Variants in MARCHF1 observed in about 807,000 individuals in gnomAD.
MARCHF1 encodes the protein E3 ubiquitin-protein ligase MARCHF1.
MARCHF1 carries 40 observed loss-of-function variants against 54.2 expected under a neutral mutation model. The ratio of observed to expected loss-of-function variants is 0.74; its 90% CI spans 0.57 to 0.96. The LOEUF (loss-of-function observed/expected upper bound fraction) is 0.96. Ranked by LOEUF, MARCHF1 falls within the 40% of genes least tolerant of loss-of-function variation. The pLI is 0.00. For missense variants in MARCHF1, 586 were observed against 656.5 expected, an observed-to-expected ratio of 0.89 and a Z score of 1.17; for synonymous variants, 236 against 236.3, an observed-to-expected ratio of 1.00 and a Z score of 0.01.
chr4:163,771,355 G>C (rs1747155395), intron 4 of MARCHF1, among the ~76,000 whole-genome samples: 1 of 152,094 alleles, frequency 6.6e-6, no homozygotes, highest in African/African-American at 2.4e-5. Flanking sequence ...GATTCACCTG[G>C]GGAGCTGTTT....
At chr4:164,040,024 T>C (rs1291536742) in intron 2 of MARCHF1, among the ~76,000 whole-genome samples, 2 of 146,974 alleles carry the variant, frequency 1.4e-5, no homozygotes, top group Non-Finnish European at 3.0e-5. Flanking sequence ...TATACAAGTA[T>C]AATTTATATA....
At chr4:163,768,103 T>A (rs907339915) in intron 4 of MARCHF1, among the ~76,000 whole-genome samples, 5 of 152,352 alleles carry the variant, frequency 3.3e-5, no homozygotes, top group African/African-American at 9.6e-5. Flanking sequence ...AAGAAATTTT[T>A]AAAAATTGAA....
intron 2 of MARCHF1, among the ~76,000 whole-genome samples, chr4:164,022,033 G>T (rs1275570115): frequency 4.6e-5 from 7 of 151,948 alleles, no homozygotes; most frequent in African/African-American, 1.7e-4. Context: ...ATCAATTCCA[G>T]TTATTCCCTC....
intron 3 of MARCHF1, among the ~76,000 whole-genome samples, chr4:163,972,916 G>T (rs932670516): frequency 6.6e-6 from 1 of 152,048 alleles, no homozygotes; most frequent in Non-Finnish European, 1.5e-5. Flanking sequence ...CAATTTAGAA[G>T]AATAAGAATT....
At chr4:164,148,930 C>T (rs1729851732) in intron 1 of MARCHF1, among the ~76,000 whole-genome samples, 1 of 152,068 alleles carries the variant, frequency 6.6e-6, no homozygotes, top group African/African-American at 2.4e-5. Flanking sequence ...TGCTCTGTCC[C>T]CTCCAAATCT....
intron 3 of MARCHF1, among the ~76,000 whole-genome samples, chr4:163,963,895 T>C (rs1420751805): frequency 1.3e-5 from 2 of 151,952 alleles, no homozygotes; most frequent in African/African-American, 4.8e-5. Flanking sequence ...TGGAGTTCTC[T>C]AGCTCCAGCT....
chr4:164,293,255 T>C (rs1560990433), intron 1 of MARCHF1, among the ~76,000 whole-genome samples: 1 of 152,018 alleles, frequency 6.6e-6, no homozygotes, highest in Non-Finnish European at 1.5e-5. Flanking sequence ...CCTAAGTATA[T>C]ATTCTTGCAA....
At chr4:164,205,568 C>G (rs902093854) in intron 1 of MARCHF1, among the ~76,000 whole-genome samples, 6 of 151,970 alleles carry the variant, frequency 3.9e-5, no homozygotes, top group Non-Finnish European at 8.8e-5. Flanking sequence ...TTAAAATAAC[C>G]AAAATTGTTC....
chr4:163,989,399 T>TA (rs929765928), intron 2 of MARCHF1, among the ~76,000 whole-genome samples: 15 of 152,132 alleles, frequency 9.9e-5, no homozygotes, highest in African/African-American at 3.1e-4. Flanking sequence ...CCTTTCTTAC[T>TA]AAAACATCAG....
intron 3 of MARCHF1, among the ~76,000 whole-genome samples, chr4:163,883,984 C>T (rs1415928950): frequency 6.6e-6 from 1 of 152,160 alleles, no homozygotes; most frequent in African/African-American, 2.4e-5. Flanking sequence ...TACTGACCAT[C>T]TCCCCAGGAT....
At chr4:164,043,599 C>T (rs889355565) in intron 2 of MARCHF1, among the ~76,000 whole-genome samples, 14 of 152,136 alleles carry the variant, frequency 9.2e-5, no homozygotes, top group Non-Finnish European at 1.5e-4. Flanking sequence ...TCTCTGGAGA[C>T]ATTTTCCCCA....
chr4:163,658,534 G>A (rs868508198), intron 5 of MARCHF1, among the ~76,000 whole-genome samples: 1 of 151,940 alleles, frequency 6.6e-6, no homozygotes, highest in Non-Finnish European at 1.5e-5. Context: ...ATTTGACCCA[G>A]CCATCTCATT....
intron 1 of MARCHF1, among the ~76,000 whole-genome samples, chr4:164,266,701 A>G (rs1312401489): frequency 6.6e-6 from 1 of 152,198 alleles, no homozygotes; most frequent in Non-Finnish European, 1.5e-5. Flanking sequence ...AATCTTGCAT[A>G]TGAAAACAAG....
intron 3 of MARCHF1, among the ~76,000 whole-genome samples, chr4:163,895,905 C>CA (rs1750796255): frequency 6.6e-6 from 1 of 152,096 alleles, no homozygotes; most frequent in Non-Finnish European, 1.5e-5. Context: ...ATGACCCCCC[C>CA]ACTGCCCCAC....
At chr4:163,544,789 C>T (rs576746344) in intron 9 of MARCHF1, among the ~76,000 whole-genome samples, 1 of 152,054 alleles carries the variant, frequency 6.6e-6, no homozygotes, top group African/African-American at 2.4e-5. Context: ...ATTACAAACT[C>T]AAAATGTTAC....
intron 2 of MARCHF1, among the ~76,000 whole-genome samples, chr4:164,094,881 G>A (rs949041537): frequency 2.0e-5 from 3 of 151,984 alleles, no homozygotes. Context: ...ATATTTCTGA[G>A]AAACACTCTA....
chr4:163,638,736 C>T (rs1026284390), intron 5 of MARCHF1, among the ~76,000 whole-genome samples: 30 of 152,032 alleles, frequency 2.0e-4, no homozygotes, highest in African/African-American at 6.3e-4. Context: ...AAATGTCATT[C>T]GCAATAGCCA....
At chr4:163,928,201 A>G (rs182847624) in intron 3 of MARCHF1, among the ~76,000 whole-genome samples, 1 of 151,752 alleles carries the variant, frequency 6.6e-6, no homozygotes, top group East Asian at 1.9e-4. Context: ...TCACTGATTT[A>G]CTCTTTCTAT....
At chr4:163,635,719 A>G in intron 5 of MARCHF1, among the ~76,000 whole-genome samples, 1 of 152,038 alleles carries the variant, frequency 6.6e-6, no homozygotes, top group East Asian at 1.9e-4. Context: ...ATAGAAAAAG[A>G]GGGAATCCTC....
Sources: allele counts gnomAD v4.1 joint callset (sites outside exome capture counted in the v4.1 genomes callset), GRCh38; gene constraint gnomAD v4.1.1; transcripts MANE v1.5; gene names NCBI Gene and HGNC (gene_info 2026-07-23, HGNC 2026-07-21).